Variants in WRN observed in about 807,000 individuals in gnomAD.
The protein encoded by WRN is WRN RecQ like helicase.
A neutral mutation model predicts 180.7 loss-of-function variants in WRN; 149 were observed. The observed-to-expected ratio is 0.82, with a 90% CI of 0.72 to 0.94. The LOEUF (loss-of-function observed/expected upper bound fraction) is 0.94. WRN is among the 40% of genes least tolerant of loss of function. The probability of loss-of-function intolerance (pLI) is 0.00; values close to 1 mark genes in which losing one functional copy is unlikely to be tolerated. For synonymous variants in WRN, 548 were observed against 568.9 expected, an observed-to-expected ratio of 0.96 and a Z score of 0.52; for missense variants, 1,661 against 1,700.1, an observed-to-expected ratio of 0.98 and a Z score of 0.40.
At chr8:31,045,937 C>T (rs770970927) in intron 1 of WRN, among the ~76,000 whole-genome samples, 8 of 152,088 alleles carry the variant, frequency 5.3e-5, no homozygotes, top group Admixed American at 1.3e-4. Context: ...CTGGCTGTGC[C>T]GAAACGCAGT....
intron 18 of WRN, among the ~76,000 whole-genome samples, chr8:31,109,561 A>T (rs1213067411): frequency 6.6e-6 from 1 of 152,166 alleles, no homozygotes; most frequent in East Asian, 1.9e-4. Context: ...AGTAGTACTC[A>T]TGTCTCTGAA....
At chr8:31,167,882 G>A (rs1475319939) in intron 34 of WRN, among the ~76,000 whole-genome samples, 1 of 151,932 alleles carries the variant, frequency 6.6e-6, no homozygotes, top group Non-Finnish European at 1.5e-5. Flanking sequence ...TTGACCTTCG[G>A]TATCTTCCGG....
chr8:31,104,337 T>C (rs1238020824), intron 18 of WRN, among the ~76,000 whole-genome samples: 1 of 152,252 alleles, frequency 6.6e-6, no homozygotes, highest in Non-Finnish European at 1.5e-5. Flanking sequence ...TTTCATATAC[T>C]AATTTGCCTC....
intron 11 of WRN, among the ~76,000 whole-genome samples, chr8:31,085,477 T>A (rs1430424964): frequency 2.6e-5 from 4 of 152,056 alleles, no homozygotes; most frequent in Admixed American, 2.6e-4. Context: ...TCTTTTTTTT[T>A]TTTTTATTTT....
At chr8:31,159,313 A>G (rs985162235) in intron 33 of WRN, among the ~76,000 whole-genome samples, 8 of 149,192 alleles carry the variant, frequency 5.4e-5, no homozygotes, top group African/African-American at 1.7e-4. Flanking sequence ...CAAAAGGAGA[A>G]AAAAAAAAAA....
At chr8:31,038,962 T>G (rs1811548742) in intron 1 of WRN, among the ~76,000 whole-genome samples, 1 of 152,196 alleles carries the variant, frequency 6.6e-6, no homozygotes, top group African/African-American at 2.4e-5. Flanking sequence ...TGTACCACAC[T>G]GTTTTGATTA....
In WRN at chr8:31,130,024, A is replaced by AAC. The variant is rs1491510849; in HGVS notation, c.2826-2341_2826-2340insAC. 1.3e-3 allele frequency among the ~76,000 whole-genome samples: 180 copies of AAC among 138,556 alleles called. 4 individuals carry two copies. Among genetic ancestry groups the AAC allele is most frequent in the African/African-American group, 4.9e-3 (168 of 34,354 alleles). The allele number at this position is 138,556 out of a possible 152,430, so 90.9% of individuals were successfully genotyped here. ...TGTCTCAAAAAAAAAACAAAACAAAACAAAAAAAAAAACTAGTAAGAGGGC... is the reference window on the plus strand; with the variant it reads ...TGTCTCAAAAAAAAAACAAAACAAAAACCAAAAAAAAAAACTAGTAAGAGGGC... On this transcript the variant is annotated intron_variant, in intron 23 of 34. Transcript: ENST00000298139.
intron 33 of WRN, 92 bp from the exon 34 acceptor site, chr8:31,166,930 T>G: frequency 1.6e-6 from 2 of 1,290,094 alleles, no homozygotes. Context: ...CCACCTTCCT[T>G]TCTACAGAAT....
chr8:31,105,885 T>TATTA (rs1481664224), intron 18 of WRN, among the ~76,000 whole-genome samples: 1 of 152,252 alleles, frequency 6.6e-6, no homozygotes. Context: ...GTGTTGTCAC[T>TATTA]ATTAGTTCAT....
At position 31,080,873 on chromosome 8, in the gene WRN, T is replaced by C. The variant is rs772258462; in HGVS notation, c.846T>C (p.Ser282=). 5 of 1,604,134 alleles carry C rather than the reference T, an allele frequency of 3.1e-6. No individual in the cohort carries two copies. The highest frequency in any genetic ancestry group is 2.3e-5 in the South Asian group (2 of 88,688). The change falls in exon 9 of 35, where the codon TCT becomes TCC. Residue 282 remains serine (S), a synonymous_variant. Coordinates refer to ENST00000298139, the MANE Select transcript of WRN (RefSeq NM_000553.6). Reference sequence around the variant, plus strand: ...TTCTTAATTTTTTTTTTAGGGTTTCTATCTTACTAAAGGATATTTCAGAAA... The same window carrying C: ...TTCTTAATTTTTTTTTTAGGGTTTCCATCTTACTAAAGGATATTTCAGAAA... ...FSKLENPRRV[S]ILLKDISENL...
chr8:31,117,646 G>T (rs147210970), intron 20 of WRN, among the ~76,000 whole-genome samples: 7 of 152,162 alleles, frequency 4.6e-5, no homozygotes, highest in African/African-American at 1.4e-4. Context: ...TTTAACTTCA[G>T]CTCTTGCATT....
At chr8:31,160,739 C>T (rs1435010635) in intron 33 of WRN, among the ~76,000 whole-genome samples, 1 of 152,068 alleles carries the variant, frequency 6.6e-6, no homozygotes, top group Non-Finnish European at 1.5e-5. Flanking sequence ...AATCCCAGCA[C>T]TTTGGGAGGC....
At chr8:31,064,722 C>G (rs1485776068) in intron 4 of WRN, among the ~76,000 whole-genome samples, 193 bp from the exon 5 acceptor site, 1 of 152,164 alleles carries the variant, frequency 6.6e-6, no homozygotes, top group Admixed American at 6.5e-5. Flanking sequence ...GGCATTCAAA[C>G]TGATTATTTT....
At chr8:31,121,570 T>C (rs1801727159) in intron 21 of WRN, among the ~76,000 whole-genome samples, 1 of 152,010 alleles carries the variant, frequency 6.6e-6, no homozygotes, top group Non-Finnish European at 1.5e-5. Flanking sequence ...AAAGGAATCA[T>C]GCAACATATT....
At position 31,154,605 on chromosome 8, in the gene WRN, T is replaced by C. The variant is rs771800219; in HGVS notation, c.3688-19T>C. ...TATTGATATTACTGATCATTTGTGC[T>C]ACATTAAAAATTCTGTAGACAGACC... On this transcript the variant is annotated intron_variant, in intron 31 of 34. Transcript: ENST00000298139. 28 of 1,605,190 alleles carry C rather than the reference T, an allele frequency of 1.7e-5. No homozygotes were observed. Among genetic ancestry groups the C allele is most frequent in the Non-Finnish European group, 2.3e-5 (27 of 1,174,424 alleles).
intron 33 of WRN, among the ~76,000 whole-genome samples, chr8:31,158,451 C>A (rs2130485145): frequency 6.6e-6 from 1 of 151,646 alleles, no homozygotes; most frequent in South Asian, 2.1e-4. Context: ...AGAGGATTTT[C>A]TCTCCTAGAT....
intron 18 of WRN, among the ~76,000 whole-genome samples, chr8:31,102,451 C>T (rs2130238548): frequency 6.6e-6 from 1 of 152,296 alleles, no homozygotes; most frequent in East Asian, 1.9e-4. Flanking sequence ...TGGACTTACA[C>T]AAACCTACAT....
At chr8:31,143,835 G>C (rs1334833551) in intron 28 of WRN, among the ~76,000 whole-genome samples, 3 of 151,902 alleles carry the variant, frequency 2.0e-5, no homozygotes, top group Non-Finnish European at 4.4e-5. Context: ...TGTTTGTCAG[G>C]CATTATGTTA....
intron 23 of WRN, among the ~76,000 whole-genome samples, chr8:31,127,976 G>A (rs1270964784): frequency 2.6e-5 from 4 of 151,878 alleles, no homozygotes; most frequent in Non-Finnish European, 4.4e-5. Context: ...TGGGCATGGT[G>A]GCTCACACCT....
Sources: gnomAD v4.1 joint callset for allele counts (sites outside exome capture counted in the v4.1 genomes callset) on GRCh38, gnomAD v4.1.1 for gene constraint, MANE v1.5 for transcripts, NCBI Gene and HGNC (gene_info 2026-07-23, HGNC 2026-07-21) for gene names.